CADPS2: variants seen among roughly 807,000 people sequenced by gnomAD.
CADPS2 encodes the protein calcium dependent secretion activator 2.
Under a neutral mutation model 172.5 loss-of-function variants are expected in CADPS2, and 93 were observed. The ratio of observed to expected loss-of-function variants is 0.54; its 90% CI spans 0.46 to 0.64. The LOEUF is 0.64. Among genes scored for constraint, CADPS2 ranks in the 30% least tolerant of loss-of-function variants. The probability of loss-of-function intolerance (pLI) is 0.00; values close to 1 mark genes in which losing one functional copy is unlikely to be tolerated. For synonymous variants in CADPS2, 546 were observed against 555.2 expected, an observed-to-expected ratio of 0.98 and a Z score of 0.23; for missense variants, 1,420 against 1,565.9, an observed-to-expected ratio of 0.91 and a Z score of 1.57.
chr7:122,799,214 GACTA>G (rs748225068), intron 1 of CADPS2, among the ~76,000 whole-genome samples: 6 of 148,754 alleles, frequency 4.0e-5, no homozygotes, highest in Non-Finnish European at 7.4e-5. Flanking sequence ...AAAATGTAGT[GACTA>G]ACTAATGCCA....
At chr7:122,394,707 G>C (rs528358312) in intron 20 of CADPS2, among the ~76,000 whole-genome samples, 1 of 152,070 alleles carries the variant, frequency 6.6e-6, no homozygotes, top group East Asian at 1.9e-4. Context: ...GGAGGGGGAG[G>C]GGCAGCCCAT....
chr7:122,682,385 C>T (rs1287626483), intron 2 of CADPS2, among the ~76,000 whole-genome samples: 1 of 152,190 alleles, frequency 6.6e-6, no homozygotes, highest in Non-Finnish European at 1.5e-5. Context: ...ATCTCTTCCA[C>T]CTTCATTCAA....
At chr7:122,756,844 G>A (rs2093180845) in intron 1 of CADPS2, among the ~76,000 whole-genome samples, 1 of 151,782 alleles carries the variant, frequency 6.6e-6, no homozygotes. Context: ...AGGTTGCAGT[G>A]AGCCAAGATT....
chr7:122,369,679 T>A (rs532555346), intron 25 of CADPS2: 1 of 152,312 alleles, frequency 6.6e-6, no homozygotes, highest in African/African-American at 2.4e-5. Flanking sequence ...ACTGACATCA[T>A]GGTCTTTCTC....
chr7:122,790,955 C>T (rs1189117069), intron 1 of CADPS2, among the ~76,000 whole-genome samples: 1 of 152,116 alleles, frequency 6.6e-6, no homozygotes. Flanking sequence ...TGGTAGCACC[C>T]AAAATACGAA....
chr7:122,722,537 A>G (rs957190733), intron 2 of CADPS2, among the ~76,000 whole-genome samples: 1 of 151,726 alleles, frequency 6.6e-6, no homozygotes, highest in Non-Finnish European at 1.5e-5. Context: ...TCAACGAAAT[A>G]AAAAAGGACA....
chr7:122,403,980 A>G (rs1436649678), intron 20 of CADPS2, among the ~76,000 whole-genome samples: 1 of 152,182 alleles, frequency 6.6e-6, no homozygotes, highest in Non-Finnish European at 1.5e-5. Flanking sequence ...TTGATGGTGA[A>G]CATTAATAAT....
intron 2 of CADPS2, among the ~76,000 whole-genome samples, chr7:122,724,573 C>T (rs1490828661): frequency 6.6e-6 from 1 of 152,042 alleles, no homozygotes; most frequent in Non-Finnish European, 1.5e-5. Flanking sequence ...AGCAATTTAA[C>T]TTCATTAACT....
At chr7:122,327,524 C>T (rs530540116) in intron 28 of CADPS2, among the ~76,000 whole-genome samples, 42 of 152,214 alleles carry the variant, frequency 2.8e-4, no homozygotes, top group Non-Finnish European at 4.3e-4. Flanking sequence ...TGCACAGTTA[C>T]TGTAACTTGG....
intron 2 of CADPS2, among the ~76,000 whole-genome samples, chr7:122,690,573 G>A (rs185931736): frequency 3.9e-5 from 6 of 152,314 alleles, no homozygotes; most frequent in African/African-American, 1.4e-4. Flanking sequence ...ACTTTTAGGG[G>A]TATTGGGGCA....
chr7:122,538,319 G>C (rs190823949), intron 8 of CADPS2, among the ~76,000 whole-genome samples: 119 of 148,374 alleles, frequency 8.0e-4, no homozygotes, highest in African/African-American at 2.7e-3. Flanking sequence ...TTTGGCAGTG[G>C]AGGTGAATAT....
intron 2 of CADPS2, among the ~76,000 whole-genome samples, chr7:122,672,676 C>G (rs1431727893): frequency 6.6e-6 from 1 of 152,218 alleles, no homozygotes; most frequent in East Asian, 1.9e-4. Context: ...TCCACCCCAG[C>G]CTGGGTGCAC....
intron 17 of CADPS2, among the ~76,000 whole-genome samples, chr7:122,418,353 AC>A (rs1239979707): frequency 6.6e-6 from 1 of 152,170 alleles, no homozygotes; most frequent in African/African-American, 2.4e-5. Context: ...TGAAGGTGAG[AC>A]TTGAACACGT....
intron 15 of CADPS2, among the ~76,000 whole-genome samples, chr7:122,445,671 T>C (rs2052073861): frequency 6.6e-6 from 1 of 152,140 alleles, no homozygotes. Flanking sequence ...AAATATTATC[T>C]GCGCATGGTG....
At chr7:122,745,211 T>C (rs1164082763) in intron 1 of CADPS2, among the ~76,000 whole-genome samples, 2 of 151,990 alleles carry the variant, frequency 1.3e-5, no homozygotes, top group African/African-American at 4.8e-5. Flanking sequence ...TATTATTAAT[T>C]ATAGTCACTA....
At chr7:122,825,343 C>T (rs1804573324) in intron 1 of CADPS2, among the ~76,000 whole-genome samples, 1 of 152,082 alleles carries the variant, frequency 6.6e-6, no homozygotes, top group South Asian at 2.1e-4. Context: ...CCATTCAAGG[C>T]AATGAGGAAA....
chr7:122,401,953 C>G (rs1172034847), intron 20 of CADPS2, among the ~76,000 whole-genome samples: 1 of 152,190 alleles, frequency 6.6e-6, no homozygotes, highest in Non-Finnish European at 1.5e-5. Flanking sequence ...CACATTTCAT[C>G]TCCAAGGGTT....
At chr7:122,583,693 A>G (rs1304048746) in intron 6 of CADPS2, among the ~76,000 whole-genome samples, 1 of 151,206 alleles carries the variant, frequency 6.6e-6, no homozygotes, top group Non-Finnish European at 1.5e-5. Flanking sequence ...ACGTATATAC[A>G]TATGTCCTTC....
intron 1 of CADPS2, among the ~76,000 whole-genome samples, chr7:122,792,436 G>T (rs548091986): frequency 1.3e-5 from 2 of 152,220 alleles, no homozygotes; most frequent in East Asian, 3.9e-4. Flanking sequence ...AGGAAGCACG[G>T]CCTCACGAGA....
Sources: allele counts gnomAD v4.1 joint callset (sites outside exome capture counted in the v4.1 genomes callset), GRCh38; gene constraint gnomAD v4.1.1; transcripts MANE v1.5; gene names NCBI Gene and HGNC (gene_info 2026-07-23, HGNC 2026-07-21).